Variants in PSTPIP2 observed in about 807,000 individuals in gnomAD.
PSTPIP2 encodes the protein proline-serine-threonine phosphatase-interacting protein 2.
PSTPIP2 carries 33 observed loss-of-function variants against 63.3 expected under a neutral mutation model. The observed-to-expected ratio is 0.52, with a 90% CI of 0.40 to 0.70. The LOEUF (loss-of-function observed/expected upper bound fraction) is 0.70. PSTPIP2 is among the 30% of genes least tolerant of loss of function. The pLI, the probability that PSTPIP2 is intolerant of heterozygous loss-of-function variation, is 0.00. For synonymous variants in PSTPIP2, 125 were observed against 132.7 expected (o/e 0.94, Z 0.40); for missense variants, 312 against 400.7 (o/e 0.78, Z 1.89).
rs1177935639 is a variant in PSTPIP2 at position 45,992,215 on chromosome 18, G to T, written c.742-13C>A. The T allele has an allele frequency of 1.9e-6, 3 of 1,562,584 alleles. No individual in the cohort carries two copies. The highest frequency in any genetic ancestry group is 2.6e-6 in the Non-Finnish European group (3 of 1,150,108). Reference sequence around the variant, plus strand: ...CTTGTTCGTACATCTAATAAAAAAAGGTCAATTAATAGGTAGAGGTATGTT... The same window carrying T: ...CTTGTTCGTACATCTAATAAAAAAATGTCAATTAATAGGTAGAGGTATGTT... On this transcript the variant is annotated splice_polypyrimidine_tract_variant and intron_variant, in intron 10 of 14. Coordinates refer to ENST00000409746, the MANE Select transcript of PSTPIP2 (RefSeq NM_024430.4).
chr18:46,070,759 A>G (rs547362642), intron 1 of PSTPIP2, among the ~76,000 whole-genome samples: 1 of 152,214 alleles, frequency 6.6e-6, no homozygotes, highest in East Asian at 1.9e-4. Context: ...GCCTCAAGCA[A>G]TCCTCCTACC....
chr18:45,997,737 G>A lies in PSTPIP2; in HGVS notation c.642+12C>T, dbSNP rs375468516. 3.7e-5 allele frequency: 43 copies of A among 1,168,810 alleles called. No homozygotes were observed. In the African/African-American group the frequency reaches 5.4e-4, roughly 15 times the overall value. The allele number at this position is 1,168,810 out of a possible 1,614,324, so 72.4% of individuals were successfully genotyped here. On this transcript the variant is annotated intron_variant, in intron 9 of 14. Transcript: ENST00000409746. ...CCCACCCCAGTCCTGAGCAGCTTCC[G>A]GTTACGGGTACCTCGCAGGCCTTGA...
At chr18:46,046,229 A>C (rs763701353) in intron 1 of PSTPIP2, among the ~76,000 whole-genome samples, 3 of 152,084 alleles carry the variant, frequency 2.0e-5, no homozygotes, top group Non-Finnish European at 4.4e-5. Flanking sequence ...GCTCCTTTTC[A>C]CCTCTTCTAT....
At chr18:46,071,659 T>C (rs942780532) in intron 1 of PSTPIP2, among the ~76,000 whole-genome samples, 5 of 152,154 alleles carry the variant, frequency 3.3e-5, no homozygotes, top group Non-Finnish European at 7.4e-5. Context: ...GGGGGGCAGC[T>C]GCTGCTGTCA....
At chr18:46,067,299 G>A (rs1194198193) in intron 1 of PSTPIP2, among the ~76,000 whole-genome samples, 1 of 151,442 alleles carries the variant, frequency 6.6e-6, no homozygotes, top group African/African-American at 2.4e-5. Context: ...TCAGGAGATC[G>A]AGACCATCCT....
intron 2 of PSTPIP2, among the ~76,000 whole-genome samples, chr18:46,026,446 G>A (rs1263750065): frequency 6.6e-6 from 1 of 152,148 alleles, no homozygotes; most frequent in African/African-American, 2.4e-5. Context: ...GTTCTTTATA[G>A]ACTATGTATA....
chr18:46,023,093 A>G (rs1907433472), intron 3 of PSTPIP2, among the ~76,000 whole-genome samples: 1 of 152,156 alleles, frequency 6.6e-6, no homozygotes, highest in Admixed American at 6.6e-5. Flanking sequence ...GGAGGGGAAC[A>G]ACACACACTG....
chr18:46,013,054 G>T (rs556582901), intron 4 of PSTPIP2, among the ~76,000 whole-genome samples: 127 of 151,534 alleles, frequency 8.4e-4, no homozygotes, highest in African/African-American at 3.0e-3. Flanking sequence ...ACAGTTAGTT[G>T]TCTCATTTTA....
chr18:46,047,263 T>C (rs967284754), intron 1 of PSTPIP2, among the ~76,000 whole-genome samples: 2 of 152,166 alleles, frequency 1.3e-5, no homozygotes, highest in Non-Finnish European at 2.9e-5. Flanking sequence ...ATATGGATTA[T>C]TATTAATTAA....
At position 46,039,965 on chromosome 18, in the gene PSTPIP2, T is replaced by C; in HGVS notation, c.116A>G (p.Glu39Gly). 6.2e-7 allele frequency: 1 copy of C among 1,613,086 alleles called. No individual in the cohort carries two copies. Among genetic ancestry groups the C allele is most frequent in the Non-Finnish European group, 8.5e-7 (1 of 1,179,062 alleles). ...NNGRKNCKEF[E>G]DFLKERAAIE... Reference sequence around the variant, plus strand: ...ATCGTACCTTTCTTTTAGAAAGTCTTCAAACTCTTTGCAGTTCTTGCGGCC... The same window carrying C: ...ATCGTACCTTTCTTTTAGAAAGTCTCCAAACTCTTTGCAGTTCTTGCGGCC... Residue 39 changes from glutamate (E) to glycine (G), a missense_variant, in exon 2 of 15, where the codon GAA becomes GGA. Transcript: ENST00000409746.
intron 9 of PSTPIP2, among the ~76,000 whole-genome samples, chr18:45,995,063 T>C: frequency 6.9e-6 from 1 of 145,614 alleles, no homozygotes; most frequent in South Asian, 2.1e-4. Context: ...TGTTTTGTTT[T>C]GTTTTGTTTT....
At chr18:46,014,535 G>A (rs2144086088) in intron 4 of PSTPIP2, among the ~76,000 whole-genome samples, 1 of 152,110 alleles carries the variant, frequency 6.6e-6, no homozygotes. Flanking sequence ...GCAACATAGT[G>A]ACACCCCATC....
intron 1 of PSTPIP2, among the ~76,000 whole-genome samples, chr18:46,062,478 T>TAAAAAGAAAAAGAA (rs149514172): frequency 4.1e-4 from 62 of 149,918 alleles, no homozygotes; most frequent in African/African-American, 1.5e-3. Flanking sequence ...CCATCTCTAC[T>TAAAAAGAAAAAGAA]AAAAAGAAAA....
intron 1 of PSTPIP2, among the ~76,000 whole-genome samples, chr18:46,055,427 C>G (rs1029668707): frequency 6.6e-6 from 1 of 152,250 alleles, no homozygotes; most frequent in East Asian, 1.9e-4. Flanking sequence ...CTCAAGTGAT[C>G]CTCCCACCTC....
At chr18:46,023,432 G>C (rs1331868416) in intron 3 of PSTPIP2, among the ~76,000 whole-genome samples, 1 of 152,056 alleles carries the variant, frequency 6.6e-6, no homozygotes, top group Admixed American at 6.6e-5. Flanking sequence ...GGAGGCGCAT[G>C]CCTGTAATCC....
At chr18:45,997,357 T>G (rs775068774) in intron 9 of PSTPIP2, among the ~76,000 whole-genome samples, 2 of 151,812 alleles carry the variant, frequency 1.3e-5, no homozygotes, top group Non-Finnish European at 2.9e-5. Flanking sequence ...CCCGGCTAAT[T>G]TTTGTATTTT....
At chr18:46,050,364 G>C (rs1188490889) in intron 1 of PSTPIP2, among the ~76,000 whole-genome samples, 1 of 152,108 alleles carries the variant, frequency 6.6e-6, no homozygotes, top group African/African-American at 2.4e-5. Context: ...GAGCCCAGGA[G>C]TTCGCGACAA....
chr18:45,996,637 A>C (rs1030823794), intron 9 of PSTPIP2, among the ~76,000 whole-genome samples: 29 of 151,974 alleles, frequency 1.9e-4, no homozygotes, highest in African/African-American at 6.8e-4. Context: ...AAAAAAAAAA[A>C]GAAAACCCTC....
intron 1 of PSTPIP2, among the ~76,000 whole-genome samples, chr18:46,043,605 G>A (rs1159416121): frequency 1.3e-5 from 2 of 152,188 alleles, no homozygotes; most frequent in Admixed American, 6.5e-5. Flanking sequence ...ACAAGGCAAC[G>A]ATGTCTGCTC....
Sources: allele counts gnomAD v4.1 joint callset (sites outside exome capture counted in the v4.1 genomes callset), GRCh38; gene constraint gnomAD v4.1.1; transcripts MANE v1.5; gene names NCBI Gene and HGNC (gene_info 2026-07-23, HGNC 2026-07-21).